KIAA1328: variants seen among roughly 807,000 people sequenced by gnomAD.
KIAA1328 encodes protein hinderin.
A neutral mutation model predicts 68.1 loss-of-function variants in KIAA1328; 52 were observed. That is an observed-to-expected ratio of 0.76 (90% confidence interval 0.61 to 0.96). KIAA1328 has a LOEUF of 0.96. Ranked by LOEUF, KIAA1328 falls within the 40% of genes least tolerant of loss-of-function variation. The pLI is 0.00. For missense variants in KIAA1328, 641 were observed against 677.6 expected (o/e 0.95, Z 0.60); for synonymous variants, 232 against 239.4 (o/e 0.97, Z 0.28).
At chr18:36,911,419 A>G (rs77711283) in intron 5 of KIAA1328, among the ~76,000 whole-genome samples, 4,810 of 152,284 alleles carry the variant, frequency 0.032, 271 homozygotes, top group African/African-American at 0.11. Context: ...AGGAGAGAAT[A>G]CTAATGAGTG....
At chr18:36,953,768 A>T (rs1399840533) in intron 5 of KIAA1328, among the ~76,000 whole-genome samples, 2 of 152,046 alleles carry the variant, frequency 1.3e-5, no homozygotes, top group Admixed American at 6.6e-5. Flanking sequence ...ATTCTAATTG[A>T]GTCCATATTC....
At chr18:36,904,191 T>C (rs558031288) in intron 5 of KIAA1328, among the ~76,000 whole-genome samples, 1 of 152,252 alleles carries the variant, frequency 6.6e-6, no homozygotes, top group African/African-American at 2.4e-5. Flanking sequence ...CATAGCATTA[T>C]ATTTGCTGCT....
intron 6 of KIAA1328, among the ~76,000 whole-genome samples, chr18:36,966,872 C>T (rs1206120623): frequency 6.6e-6 from 1 of 152,132 alleles, no homozygotes; most frequent in Admixed American, 6.6e-5. Flanking sequence ...ATCAGAATTC[C>T]AGCAGATTTT....
intron 4 of KIAA1328, among the ~76,000 whole-genome samples, chr18:36,872,376 T>C (rs1292865218): frequency 2.0e-5 from 3 of 152,062 alleles, no homozygotes; most frequent in Admixed American, 2.0e-4. Context: ...CTAGTAAAAG[T>C]AGTAGATAAA....
chr18:37,026,701 C>A (rs2151558431), intron 6 of KIAA1328, among the ~76,000 whole-genome samples: 1 of 152,220 alleles, frequency 6.6e-6, no homozygotes, highest in South Asian at 2.1e-4. Context: ...TCTCAATGAA[C>A]TAGGTATTGA....
At chr18:36,969,895 C>G (rs941078186) in intron 6 of KIAA1328, among the ~76,000 whole-genome samples, 8 of 152,010 alleles carry the variant, frequency 5.3e-5, no homozygotes, top group South Asian at 2.1e-4. Flanking sequence ...GGAGCTGGTA[C>G]CATTCCTTCT....
intron 5 of KIAA1328, among the ~76,000 whole-genome samples, chr18:36,944,482 G>T (rs1804558343): frequency 6.6e-6 from 1 of 152,148 alleles, no homozygotes; most frequent in South Asian, 2.1e-4. Context: ...AGGAGGCTGA[G>T]GCAGGAGAAT....
intron 3 of KIAA1328, among the ~76,000 whole-genome samples, chr18:36,840,135 T>A (rs2046810366): frequency 6.6e-6 from 1 of 152,214 alleles, no homozygotes; most frequent in Non-Finnish European, 1.5e-5. Flanking sequence ...TGTCTGGATT[T>A]ACCTACCTTA....
intron 4 of KIAA1328, among the ~76,000 whole-genome samples, chr18:36,845,735 T>C (rs1415373955): frequency 6.6e-6 from 1 of 151,718 alleles, no homozygotes; most frequent in Non-Finnish European, 1.5e-5. Flanking sequence ...GATAGACATA[T>C]ACATCAGCGA....
At chr18:37,115,972 C>T (rs2058093892) in intron 7 of KIAA1328, among the ~76,000 whole-genome samples, 1 of 152,256 alleles carries the variant, frequency 6.6e-6, no homozygotes, top group South Asian at 2.1e-4. Flanking sequence ...AGGACCTCTT[C>T]AAGGAAAACT....
intron 7 of KIAA1328, among the ~76,000 whole-genome samples, chr18:37,069,690 T>A (rs1433525296): frequency 1.3e-5 from 2 of 152,220 alleles, no homozygotes; most frequent in African/African-American, 2.4e-5. Context: ...TTTAATTTCC[T>A]TAATACTTAC....
At chr18:37,020,073 G>A (rs2054289148) in intron 6 of KIAA1328, among the ~76,000 whole-genome samples, 1 of 152,194 alleles carries the variant, frequency 6.6e-6, no homozygotes, top group Admixed American at 6.5e-5. Flanking sequence ...AGGTGGGGTG[G>A]GGTGATTAAG....
At chr18:36,964,686 A>G (rs2051840806) in intron 6 of KIAA1328, among the ~76,000 whole-genome samples, 1 of 152,104 alleles carries the variant, frequency 6.6e-6, no homozygotes, top group Non-Finnish European at 1.5e-5. Flanking sequence ...TAGGTTCTTC[A>G]TAGTGGGTTC....
chr18:37,172,864 T>A, intron 8 of KIAA1328, 109 bp from the exon 9 acceptor site: 1 of 667,958 alleles, frequency 1.5e-6, no homozygotes, highest in Non-Finnish European at 2.4e-6. Flanking sequence ...ACAAGTGGCT[T>A]ACCTTTGAAG....
At chr18:37,099,220 A>T (rs1465090096) in intron 7 of KIAA1328, among the ~76,000 whole-genome samples, 1 of 152,164 alleles carries the variant, frequency 6.6e-6, no homozygotes, top group Non-Finnish European at 1.5e-5. Flanking sequence ...TTAGTGCTAT[A>T]AATTTCCTTC....
intron 4 of KIAA1328, among the ~76,000 whole-genome samples, chr18:36,878,146 T>C (rs527376906): frequency 6.6e-6 from 1 of 152,324 alleles, no homozygotes; most frequent in East Asian, 1.9e-4. Flanking sequence ...CCAAAGAGTT[T>C]TGCAGTGGCT....
intron 5 of KIAA1328, among the ~76,000 whole-genome samples, chr18:36,935,457 A>AT (rs780993550): frequency 6.6e-6 from 1 of 152,158 alleles, no homozygotes; most frequent in African/African-American, 2.4e-5. Flanking sequence ...AAATTATGCC[A>AT]TTTTTTGCCA....
intron 5 of KIAA1328, among the ~76,000 whole-genome samples, chr18:36,945,048 A>G (rs896241772): frequency 6.6e-6 from 1 of 152,224 alleles, no homozygotes; most frequent in African/African-American, 2.4e-5. Context: ...ATGAATGCTT[A>G]TGGACAGTAG....
At chr18:37,000,792 A>G (rs1226778804) in intron 6 of KIAA1328, among the ~76,000 whole-genome samples, 1 of 152,188 alleles carries the variant, frequency 6.6e-6, no homozygotes, top group Non-Finnish European at 1.5e-5. Flanking sequence ...CTGAATGACC[A>G]TCATGAAAAT....
Sources: allele counts gnomAD v4.1 joint callset (sites outside exome capture counted in the v4.1 genomes callset), GRCh38; gene constraint gnomAD v4.1.1; transcripts MANE v1.5; gene names NCBI Gene and HGNC (gene_info 2026-07-23, HGNC 2026-07-21).